The following ABCA13 variants were observed in gnomAD, a reference collection of about 807,000 sequenced individuals.
ABCA13 encodes the protein ATP binding cassette subfamily A member 13.
Under a neutral mutation model 478.7 loss-of-function variants are expected in ABCA13, and 476 were observed. The ratio of observed to expected loss-of-function variants is 0.99; its 90% CI spans 0.92 to 1.07. The LOEUF (loss-of-function observed/expected upper bound fraction) is 1.07. ABCA13 is among the 50% of genes least tolerant of loss of function. The pLI, the probability that ABCA13 is intolerant of heterozygous loss-of-function variation, is 0.00. For synonymous variants in ABCA13, 2,252 were observed against 2,158.9 expected (o/e 1.04, Z -1.20); for missense variants, 6,060 against 5,910.6 (o/e 1.03, Z -0.83).
At chr7:48,619,840 A>T (rs1223421644) in intron 59 of ABCA13, among the ~76,000 whole-genome samples, 1 of 151,888 alleles carries the variant, frequency 6.6e-6, no homozygotes, top group Non-Finnish European at 1.5e-5. Context: ...CTGCAACATT[A>T]CTCCCCAGAC....
intron 59 of ABCA13, among the ~76,000 whole-genome samples, chr7:48,629,425 A>T (rs1793955973): frequency 6.6e-6 from 1 of 152,112 alleles, no homozygotes; most frequent in South Asian, 2.1e-4. Context: ...TCTGAGTTCA[A>T]ACTATGAGCA....
chr7:48,436,110 A>G (rs1033430080), intron 42 of ABCA13, among the ~76,000 whole-genome samples: 1 of 151,266 alleles, frequency 6.6e-6, no homozygotes, highest in Non-Finnish European at 1.5e-5. Flanking sequence ...CTAATTCTTT[A>G]TAGGTTTGGT....
chr7:48,378,073 C>T (rs921470697), intron 35 of ABCA13, among the ~76,000 whole-genome samples: 11 of 152,282 alleles, frequency 7.2e-5, no homozygotes, highest in African/African-American at 2.6e-4. Context: ...GAGACTTTCC[C>T]TCTGAATCCC....
chr7:48,446,349 A>T (rs1263909502), intron 42 of ABCA13, among the ~76,000 whole-genome samples: 1 of 150,984 alleles, frequency 6.6e-6, no homozygotes. Context: ...TTGGGGAGAC[A>T]TGATTGTTTT....
intron 27 of ABCA13, among the ~76,000 whole-genome samples, chr7:48,326,515 C>T (rs1356956124): frequency 3.3e-5 from 5 of 152,148 alleles, no homozygotes; most frequent in South Asian, 4.1e-4. Flanking sequence ...ATCCTGACAC[C>T]GCTAAGAGCT....
rs542021299 is a variant in ABCA13 at position 48,248,481 on chromosome 7, G to A, written c.1865+37G>A. The A allele has an allele frequency of 2.4e-5, 36 of 1,471,548 alleles. No homozygotes were observed. The South Asian group carries it at 4.3e-4, about 18-fold the overall frequency. The allele number at this position is 1,471,548 out of a possible 1,614,324, so 91.2% of individuals were successfully genotyped here. On this transcript the variant is annotated intron_variant, in intron 14 of 61. Coordinates refer to ENST00000435803, the MANE Select transcript of ABCA13 (RefSeq NM_152701.5). ...TTTGGTGGGAAACTTATAAACAATT[G>A]GGACATCAGAATGATTTCAACTGCC...
intron 15 of ABCA13, among the ~76,000 whole-genome samples, chr7:48,255,821 T>C (rs1328026643): frequency 6.6e-6 from 1 of 152,214 alleles, no homozygotes; most frequent in African/African-American, 2.4e-5. Context: ...TTTGGGTATA[T>C]ACACAATAAT....
At chr7:48,204,244 C>T (rs1002088588) in intron 3 of ABCA13, among the ~76,000 whole-genome samples, 3 of 150,812 alleles carry the variant, frequency 2.0e-5, no homozygotes, top group Non-Finnish European at 2.9e-5. Flanking sequence ...CAGTCTGGCT[C>T]TGCTGCCCAG....
chr7:48,627,247 T>C lies in ABCA13; in HGVS notation c.14837+11870T>C, dbSNP rs114423031. Among the ~76,000 whole-genome samples the C allele has an allele frequency of 8.6e-3, 1,314 of 152,280 alleles. 19 individuals carry two copies. The highest frequency in any genetic ancestry group is 0.029 in the African/African-American group (1,224 of 41,562). ...AAAAGCAGTTTTCAAACTCAATTTC[T>C]TGACTCTAAGTTTCTTATTCTTTCT... is the stretch of plus-strand genomic sequence containing the variant. On this transcript the variant is annotated intron_variant, in intron 59 of 61. Coordinates refer to ENST00000435803, the MANE Select transcript of ABCA13 (RefSeq NM_152701.5).
chr7:48,355,086 A>G (rs1809673687), intron 31 of ABCA13, among the ~76,000 whole-genome samples: 1 of 151,396 alleles, frequency 6.6e-6, no homozygotes, highest in African/African-American at 2.4e-5. Flanking sequence ...CTCTTGTGAG[A>G]CTTCCAGTCC....
intron 24 of ABCA13, 109 bp from the exon 25 acceptor site, chr7:48,312,958 G>C (rs772120857): frequency 8.9e-5 from 107 of 1,205,732 alleles, no homozygotes; most frequent in Non-Finnish European, 1.1e-4. Context: ...TGAAGTTCAA[G>C]AGAGAATAAA....
Position 48,471,560 on chromosome 7 carries a change from C to G in ABCA13, c.12936C>G (p.Pro4312=), listed in dbSNP as rs1448051989. 3.2e-6 allele frequency: 5 copies of G among 1,563,866 alleles called. No homozygotes were observed. Among genetic ancestry groups the G allele is most frequent in the East Asian group, 4.7e-5 (2 of 42,942 alleles). Residue 4312 remains proline, a synonymous_variant, in exon 45 of 62, where the codon CCC becomes CCG. Coordinates refer to ENST00000435803, the MANE Select transcript of ABCA13 (RefSeq NM_152701.5). ...ATTCTTCATGCTGGCGCACAGATCC[C>G]TTTTCTCACCCAGAATTCCAGGATT... ...QKNSSCWRTD[P]FSHPEFQDSC... is the part of the protein sequence containing the mutation.
chr7:48,299,061 A>G (rs1014409638), intron 23 of ABCA13, among the ~76,000 whole-genome samples: 6 of 152,200 alleles, frequency 3.9e-5, no homozygotes, highest in East Asian at 1.9e-4. Flanking sequence ...TACGGGCCAC[A>G]TGGGGTATGG....
chr7:48,316,318 A>G (rs925728677), intron 26 of ABCA13, among the ~76,000 whole-genome samples: 7 of 152,250 alleles, frequency 4.6e-5, no homozygotes, highest in Middle Eastern at 3.2e-3. Context: ...TCATAAAAAA[A>G]GCTCAGTTCC....
At chr7:48,448,102 A>G (rs1408957064) in intron 42 of ABCA13, among the ~76,000 whole-genome samples, 1 of 152,222 alleles carries the variant, frequency 6.6e-6, no homozygotes, top group Non-Finnish European at 1.5e-5. Flanking sequence ...CTGACAACAG[A>G]GTCCACATGC....
chr7:48,294,532 C>T lies in ABCA13; in HGVS notation c.8956-1168C>T, dbSNP rs1053009886. On this transcript the variant is annotated intron_variant, in intron 20 of 61. Coordinates refer to ENST00000435803, the MANE Select transcript of ABCA13 (RefSeq NM_152701.5). ...CGCAATCTCGGCTCACTGCAAGCTC[C>T]GCTTCCCGGGTTCACGCCATTCTCC... Among the ~76,000 whole-genome samples the T allele has an allele frequency of 4.3e-3, 656 of 150,838 alleles. 4 individuals are homozygous for T. The highest frequency in any genetic ancestry group is 6.2e-3 in the Non-Finnish European group (423 of 67,712).
At chr7:48,413,250 G>A (rs1200329809) in intron 41 of ABCA13, among the ~76,000 whole-genome samples, 1 of 152,130 alleles carries the variant, frequency 6.6e-6, no homozygotes, top group Non-Finnish European at 1.5e-5. Context: ...TTCTGTCTGG[G>A]AGTCTCTGGC....
chr7:48,217,360 G>T (rs1028406360), intron 3 of ABCA13, among the ~76,000 whole-genome samples: 4 of 152,122 alleles, frequency 2.6e-5, no homozygotes, highest in Non-Finnish European at 5.9e-5. Flanking sequence ...AACAAAAATT[G>T]TAATAGAAAG....
intron 41 of ABCA13, 81 bp downstream of exon 41, chr7:48,412,664 G>A (rs536124677): frequency 5.9e-6 from 7 of 1,182,746 alleles, no homozygotes; most frequent in African/African-American, 4.8e-5. Flanking sequence ...GTGGGTAAAG[G>A]GGGGGAGATG....
Sources: gnomAD v4.1 joint callset for allele counts (sites outside exome capture counted in the v4.1 genomes callset) on GRCh38, gnomAD v4.1.1 for gene constraint, MANE v1.5 for transcripts, NCBI Gene and HGNC (gene_info 2026-07-23, HGNC 2026-07-21) for gene names.